CFAP57: variants seen among roughly 807,000 people sequenced by gnomAD.
The protein encoded by CFAP57 is cilia and flagella associated protein 57, also known as cilia- and flagella-associated protein 57.
In CFAP57, 116 loss-of-function variants were observed where a neutral mutation model predicts 146.8. The observed-to-expected ratio is 0.79, with a 90% CI of 0.68 to 0.92. CFAP57 has a LOEUF of 0.92. Ranked by LOEUF, CFAP57 falls within the 40% of genes least tolerant of loss-of-function variation. CFAP57 has a pLI of 0.00. For missense variants in CFAP57, 1,377 were observed against 1,527.2 expected, an observed-to-expected ratio of 0.90 and a Z score of 1.64; for synonymous variants, 518 against 552.8, an observed-to-expected ratio of 0.94 and a Z score of 0.88.
At chr1:43,222,401 G>A in intron 15 of CFAP57, 106 bp downstream of exon 15, 1 of 1,069,778 alleles carries the variant, frequency 9.3e-7, no homozygotes, top group African/African-American at 1.6e-5. Flanking sequence ...GTTATACACT[G>A]GGTCAGACAT....
At chr1:43,215,226 T>C in intron 11 of CFAP57, 29 bp from the exon 12 acceptor site, 1 of 1,550,832 alleles carries the variant, frequency 6.4e-7, no homozygotes, top group Non-Finnish European at 8.7e-7. Flanking sequence ...CCTTGAAAGC[T>C]TCCTGGCCAT....
chr1:43,178,335 A>G (rs1345262037), intron 2 of CFAP57, among the ~76,000 whole-genome samples: 1 of 152,232 alleles, frequency 6.6e-6, no homozygotes, highest in Non-Finnish European at 1.5e-5. Context: ...AGAAACTACC[A>G]TTAGAGTGAA....
intron 21 of CFAP57, among the ~76,000 whole-genome samples, chr1:43,241,744 CA>C (rs1645930671): frequency 6.6e-6 from 1 of 152,142 alleles, no homozygotes; most frequent in Non-Finnish European, 1.5e-5. Context: ...TTTCAGGGCC[CA>C]TTCCAGACCT....
intron 2 of CFAP57, among the ~76,000 whole-genome samples, chr1:43,178,580 A>G (rs1449958700): frequency 2.6e-5 from 4 of 152,250 alleles, no homozygotes; most frequent in African/African-American, 4.8e-5. Flanking sequence ...CAAAACCACA[A>G]TGAGATACCA....
Position 43,222,104 on chromosome 1 carries a change from G to GA in CFAP57, c.2343dup (p.Cys782MetfsTer12). ...TAAATACCATCCTTGCTTCTCTCCAGAATGTTGCAACAACCAAAAGTTGCT... is the reference window on the plus strand; with the variant it reads ...TAAATACCATCCTTGCTTCTCTCCAGAAATGTTGCAACAACCAAAAGTTGCT... On this transcript the variant is annotated frameshift_variant and splice_region_variant. Coordinates refer to ENST00000372492, the MANE Select transcript of CFAP57 (RefSeq NM_001378189.1). LOFTEE classifies it high-confidence loss of function. The GA allele has an allele frequency of 6.5e-7, 1 of 1,545,868 alleles. No individual in the cohort carries two copies. Among genetic ancestry groups the GA allele is most frequent in the East Asian group, 2.5e-5 (1 of 40,670 alleles).
chr1:43,172,461 G>T lies in CFAP57; in HGVS notation c.-20+8G>T. On this transcript the variant is annotated splice_region_variant and intron_variant, in intron 1 of 22. Transcript: ENST00000372492. ...CCCAGAGAGAAACGAAAGGTGGGAG[G>T]GGGTACCTGGGGGTCGCCAGAAGGA... 6.5e-7 allele frequency: 1 copy of T among 1,543,950 alleles called. No homozygotes were observed. Among genetic ancestry groups the T allele is most frequent in the Non-Finnish European group, 8.8e-7 (1 of 1,142,706 alleles).
In CFAP57 at chr1:43,234,529, A is replaced by T; in HGVS notation, c.3296A>T (p.Gln1099Leu). ...EIAGLNTDLQ[Q>L]EYTRQREHLE... ...GCAGGGCTGAACACAGACCTGCAGC[A>T]GGAGTACACCCGGCAGCGGGAGCAC... Residue 1099 changes from glutamine (Q) to leucine (L), a missense_variant, in exon 21 of 23, where the codon CAG becomes CTG. Gln to Leu is a moderately radical substitution (Grantham distance 113). Coordinates refer to ENST00000372492, the MANE Select transcript of CFAP57 (RefSeq NM_001378189.1). 6.5e-7 allele frequency: 1 copy of T among 1,550,380 alleles called. No individual in the cohort carries two copies.
At chr1:43,182,636 G>C (rs1257376617) in intron 3 of CFAP57, among the ~76,000 whole-genome samples, 1 of 152,192 alleles carries the variant, frequency 6.6e-6, no homozygotes, top group Non-Finnish European at 1.5e-5. Flanking sequence ...ATAGTAATCA[G>C]AAGGCTGCTG....
At chr1:43,245,229 G>A (rs1646071542) in intron 22 of CFAP57, among the ~76,000 whole-genome samples, 1 of 151,090 alleles carries the variant, frequency 6.6e-6, no homozygotes, top group Non-Finnish European at 1.5e-5. Context: ...GGATTTTAGA[G>A]TAAAATTGAT....
At chr1:43,241,339 A>T (rs528285627) in intron 21 of CFAP57, among the ~76,000 whole-genome samples, 1 of 152,282 alleles carries the variant, frequency 6.6e-6, no homozygotes, top group Non-Finnish European at 1.5e-5. Flanking sequence ...TGTAAGGAAT[A>T]CTGAAATTAA....
rs1405692666 is a variant in CFAP57 at position 43,222,919 on chromosome 1, C to T, written c.2628C>T (p.Thr876=). The part of the protein sequence containing the change: ...DEDREIQDIK[T]KYEKKLRDEK... ...ACCGAGAAATCCAAGATATCAAAAC[C>T]AAGTATGAGAAAAAGCTTCGGGATG... Residue 876 remains threonine (T), a synonymous_variant, in exon 16 of 23, where the codon ACC becomes ACT. Coordinates refer to ENST00000372492, the MANE Select transcript of CFAP57 (RefSeq NM_001378189.1). 6.5e-7 allele frequency: 1 copy of T among 1,550,130 alleles called. No homozygotes were observed. Among genetic ancestry groups the T allele is most frequent in the African/African-American group, 1.4e-5 (1 of 72,996 alleles).
At chr1:43,185,106 A>G (rs1431265818) in intron 4 of CFAP57, 43 bp from the exon 5 acceptor site, 16 of 1,604,096 alleles carry the variant, frequency 1.0e-5, no homozygotes, top group Non-Finnish European at 1.4e-5. Context: ...CATCTCCTCA[A>G]GATTGTCTCT....
rs1418371906 is a variant in CFAP57, at chr1:43,238,213, C to G, written c.3405+3575C>G. 6.6e-6 allele frequency among the ~76,000 whole-genome samples: 1 copy of G among 152,080 alleles called. No homozygotes were observed. The highest frequency in any genetic ancestry group is 2.4e-5 in the African/African-American group (1 of 41,414). On this transcript the variant is annotated intron_variant, in intron 21 of 22. Transcript: ENST00000372492. The surrounding 1 kb of genome is among the most constrained non-coding windows in gnomAD (Gnocchi z 4.3). ...CCAAGTCCATGGAATAAATCTGTTG[C>G]CTGCTTTTTCCAGGCTGTGAGGTAC... is the stretch of plus-strand genomic sequence containing the variant.
rs1557714145 is a variant in CFAP57, at chr1:43,172,433, TG to T, written c.-39del. 6.4e-7 allele frequency: 1 copy of T among 1,550,550 alleles called. No homozygotes were observed. Among genetic ancestry groups the T allele is most frequent in the South Asian group, 1.2e-5 (1 of 84,012 alleles). On this transcript the variant is annotated 5_prime_UTR_variant, in exon 1 of 23. Transcript: ENST00000372492. ...GCCTCTGGATACATGCGTGGTCTGC[TG>T]ACCCAGAGAGAAACGAAAGGTGGGA...
chr1:43,213,522 C>T (rs1425163593), intron 11 of CFAP57, among the ~76,000 whole-genome samples: 1 of 151,020 alleles, frequency 6.6e-6, no homozygotes, highest in Non-Finnish European at 1.5e-5. Context: ...CGGTGGAGCG[C>T]AGGTATCCTT....
chr1:43,234,382 T>A lies in CFAP57; in HGVS notation c.3230T>A (p.Leu1077His). The stretch of plus-strand genomic sequence containing the variant: ...CTGCTGAAGGAGAAGGTTCGAGGTC[T>A]CTTTGAGAAGTACGTGCAGCGAGCA... ...PRLLKEKVRG[L>H]FEKYVQRADM... Residue 1077 changes from leucine to histidine, a missense_variant, in exon 20 of 23, where the codon CTC (leucine) becomes CAC (histidine). Transcript: ENST00000372492. The A allele has an allele frequency of 6.5e-7, 1 of 1,550,356 alleles. No individual in the cohort carries two copies. The highest frequency in any genetic ancestry group is 1.2e-5 in the South Asian group (1 of 84,030).
chr1:43,188,741 CT>C (rs1643309748), intron 6 of CFAP57, among the ~76,000 whole-genome samples: 1 of 143,860 alleles, frequency 7.0e-6, no homozygotes, highest in Non-Finnish European at 1.5e-5. Context: ...TTGATGTTGT[CT>C]TTTGATGAAG....
At chr1:43,172,495 C>G (rs1645001377) in intron 1 of CFAP57, 42 bp downstream of exon 1, 3 of 1,502,400 alleles carry the variant, frequency 2.0e-6, no homozygotes, top group Non-Finnish European at 8.9e-7. Context: ...GAGCTGGTAG[C>G]AGTGAGGGTA....
chr1:43,221,420 A>G lies in CFAP57; in HGVS notation c.2296A>G (p.Ile766Val), dbSNP rs755728268. Residue 766 changes from isoleucine (I) to valine (V), a missense_variant, in exon 14 of 23, where the codon ATA (isoleucine) becomes GTA (valine). By Grantham distance (29) the Ile-to-Val change is conservative (BLOSUM62 3). Coordinates refer to ENST00000372492, the MANE Select transcript of CFAP57 (RefSeq NM_001378189.1). ...EKQDVYHHEH[I>V]EDLLDKQSRE... is the part of the protein sequence containing the mutation. ...GCAGGATGTTTATCACCATGAGCAC[A>G]TAGAAGACCTCCTAGACAAGCAAAG... is the stretch of plus-strand genomic sequence containing the variant. 1 of 1,544,394 alleles carries G rather than the reference A, an allele frequency of 6.5e-7. No homozygotes were observed. Among genetic ancestry groups the G allele is most frequent in the South Asian group, 1.2e-5 (1 of 82,788 alleles).
Sources: allele counts gnomAD v4.1 joint callset (sites outside exome capture counted in the v4.1 genomes callset), GRCh38; gene constraint gnomAD v4.1.1; non-coding constraint Gnocchi (gnomAD v3.1); transcripts MANE v1.5; gene names NCBI Gene and HGNC (gene_info 2026-07-23, HGNC 2026-07-21).